The following ATP7B variants were observed in gnomAD, a reference collection of about 807,000 sequenced individuals.
ATP7B encodes ATPase copper transporting beta.
A neutral mutation model predicts 118.9 loss-of-function variants in ATP7B; 113 were observed. The ratio of observed to expected loss-of-function variants is 0.95; its 90% CI spans 0.82 to 1.11. ATP7B has a LOEUF of 1.11. Ranked by LOEUF, ATP7B falls within the 50% of genes most tolerant of loss-of-function variation. ATP7B has a pLI of 0.00. For synonymous variants in ATP7B, 777 were observed against 727.4 expected, an observed-to-expected ratio of 1.07 and a Z score of -1.10; for missense variants, 1,867 against 1,871.4, an observed-to-expected ratio of 1.00 and a Z score of 0.04.
chr13:51,950,531 T>A, intron 9 of ATP7B, 132 bp from the exon 10 acceptor site: 9 of 1,342,690 alleles, frequency 6.7e-6, no homozygotes, highest in African/African-American at 1.4e-5. Flanking sequence ...TCTGTTCATT[T>A]ACAGATATTT....
chr13:51,979,950 A>G lies in ATP7B; in HGVS notation c.52-4782T>C, dbSNP rs368075774. On this transcript the variant is annotated intron_variant, in intron 1 of 20. Coordinates refer to ENST00000242839, the MANE Select transcript of ATP7B (RefSeq NM_000053.4). ...CAGAAGACAAAGCCTTGCAAATAAC[A>G]TATCTCTACAAAACACTAAAGTATC... Among the ~76,000 whole-genome samples the G allele has an allele frequency of 5.9e-5, 9 of 152,224 alleles. No individual in the cohort carries two copies. In the South Asian group the frequency reaches 1.2e-3, roughly 21 times the overall value.
rs370398602 is a variant in ATP7B at position 51,960,223 on chromosome 13, C to G, written c.2046G>C (p.Met682Ile). The change falls in exon 7 of 21, where the codon ATG becomes ATC. Residue 682 changes from methionine to isoleucine, a missense_variant. Transcript: ENST00000242839. ...LIPSNEPHQS[M>I]VLDHNIIPGL... The stretch of plus-strand genomic sequence containing the variant: ...CTGGAATGATGTTGTGGTCCAGGAC[C>G]ATGGACTGGTGGGGCTCGTTGCTGG... 19 of 1,613,788 alleles carry G rather than the reference C, an allele frequency of 1.2e-5. No individual in the cohort carries two copies. Among genetic ancestry groups the G allele is most frequent in the Non-Finnish European group, 1.5e-5 (18 of 1,179,840 alleles).
rs906020046 is a variant in ATP7B at position 51,935,723 on chromosome 13, C to T, written c.4022-28G>A. ...GGGGAAGAAAGAACTCGCACTCACA[C>T]CTAGGTCTGGGGAGAGGAGCCAGGA... On this transcript the variant is annotated intron_variant, in intron 19 of 20. Transcript: ENST00000242839. 3.1e-6 allele frequency: 5 copies of T among 1,590,896 alleles called. No individual in the cohort carries two copies. The Admixed American group carries it at 7.1e-5, about 22-fold the overall frequency.
At position 51,989,275 on chromosome 13, in the gene ATP7B, G is replaced by A. The variant is rs1952801003; in HGVS notation, c.52-14107C>T. Among the ~76,000 whole-genome samples, 3 of 152,116 alleles carry A rather than the reference G, an allele frequency of 2.0e-5. No individual in the cohort carries two copies. In the South Asian group the frequency reaches 6.2e-4, roughly 32 times the overall value. On this transcript the variant is annotated intron_variant, in intron 1 of 20. Transcript: ENST00000242839. Reference sequence around the variant, plus strand: ...ATCCTGTTTCACAATGGTCCAAAAAGACTTTCCACTGACAATTATTTAAAT... The same window carrying A: ...ATCCTGTTTCACAATGGTCCAAAAAAACTTTCCACTGACAATTATTTAAAT...
intron 5 of ATP7B, 24 bp from the exon 6 acceptor site, chr13:51,961,937 G>A: frequency 1.3e-6 from 2 of 1,589,170 alleles, no homozygotes; most frequent in Non-Finnish European, 8.6e-7. Context: ...AGAGAGGGGT[G>A]GGGAAAAAGG....
chr13:51,934,665 G>C lies in ATP7B; in HGVS notation c.*91C>G. On this transcript the variant is annotated 3_prime_UTR_variant, in exon 21 of 21. Coordinates refer to ENST00000242839, the MANE Select transcript of ATP7B (RefSeq NM_000053.4). ...GGGAGCGGAAGTCCCCAAAGCTGGA[G>C]GCTAGCTCAGCCCATCCTGCTGCTG... is the stretch of plus-strand genomic sequence containing the variant. 6.3e-7 allele frequency: 1 copy of C among 1,577,920 alleles called. No individual in the cohort carries two copies. Among genetic ancestry groups the C allele is most frequent in the Non-Finnish European group, 8.6e-7 (1 of 1,160,122 alleles).
At chr13:51,991,120 C>T (rs1472617390) in intron 1 of ATP7B, among the ~76,000 whole-genome samples, 1 of 151,990 alleles carries the variant, frequency 6.6e-6, no homozygotes, top group Non-Finnish European at 1.5e-5. Flanking sequence ...AACCTAACCA[C>T]CACTTACCTA....
rs151138735 is a variant in ATP7B at position 51,933,087 on chromosome 13, G to A, written c.*1669C>T. 6.3e-4 allele frequency: 96 copies of A among 152,340 alleles called. No individual in the cohort carries two copies. The highest frequency in any genetic ancestry group is 2.2e-3 in the African/African-American group (90 of 41,568). 9.4% of individuals were successfully genotyped at this position (152,340 alleles called of 1,614,324 possible). On this transcript the variant is annotated 3_prime_UTR_variant, in exon 21 of 21. Coordinates refer to ENST00000242839, the MANE Select transcript of ATP7B (RefSeq NM_000053.4). ...AACTAACCATCCAAGGTGAAGGTCA[G>A]ATGACCTCCTGAATCAAGTGCATTC...
chr13:51,989,850 G>T (rs1294770585), intron 1 of ATP7B, among the ~76,000 whole-genome samples: 1 of 151,926 alleles, frequency 6.6e-6, no homozygotes, highest in Non-Finnish European at 1.5e-5. Context: ...ATAACACTCT[G>T]TATTTCAAGC....
In ATP7B at chr13:51,946,284, C is replaced by T; in HGVS notation, c.3060G>A (p.Lys1020=). The T allele has an allele frequency of 6.3e-7, 1 of 1,579,910 alleles. No individual in the cohort carries two copies. Among genetic ancestry groups the T allele is most frequent in the Non-Finnish European group, 8.6e-7 (1 of 1,162,834 alleles). Residue 1020 remains lysine (K), a splice_region_variant and synonymous_variant, in exon 13 of 21, where the codon AAG becomes AAA. Coordinates refer to ENST00000242839, the MANE Select transcript of ATP7B (RefSeq NM_000053.4). ...GGGGAAAGCCGTGCTACAGGCTGAC[C>T]TTGTGCGCCATCTCCAGGGGCTTGC... ...KGGKPLEMAH[K]IKTVMFDKTG... is the part of the protein sequence containing the mutation.
chr13:51,975,380 T>C lies in ATP7B; in HGVS notation c.52-212A>G, dbSNP rs749513763. 1.5e-5 allele frequency: 11 copies of C among 751,616 alleles called. No homozygotes were observed. In the African/African-American group the frequency reaches 1.9e-4, roughly 13 times the overall value. The allele number at this position is 751,616 out of a possible 1,614,324, so 46.6% of individuals were successfully genotyped here. Reference sequence around the variant, plus strand: ...ATTCTTCTCTGACAGAAGCTAACTGTCTGTCCTCCTTAGTGAAATGTCGTT... The same window carrying C: ...ATTCTTCTCTGACAGAAGCTAACTGCCTGTCCTCCTTAGTGAAATGTCGTT... On this transcript the variant is annotated intron_variant, in intron 1 of 20. Transcript: ENST00000242839.
intron 12 of ATP7B, among the ~76,000 whole-genome samples, chr13:51,946,972 T>A (rs527313617): frequency 5.9e-5 from 9 of 152,338 alleles, no homozygotes; most frequent in African/African-American, 2.2e-4. Context: ...AATGCTATTC[T>A]AAGGTGATAA....
intron 19 of ATP7B, 24 bp from the exon 20 acceptor site, chr13:51,935,719 C>T: frequency 2.5e-6 from 4 of 1,595,762 alleles, no homozygotes; most frequent in Non-Finnish European, 3.4e-6. Flanking sequence ...AACTCGCACT[C>T]ACACCTAGGT....
intron 9 of ATP7B, among the ~76,000 whole-genome samples, chr13:51,953,304 A>G (rs1958124474): frequency 6.6e-6 from 1 of 152,096 alleles, no homozygotes; most frequent in Non-Finnish European, 1.5e-5. Context: ...CGGGAGGAGG[A>G]GCTCCCTGCA....
intron 1 of ATP7B, among the ~76,000 whole-genome samples, chr13:51,980,846 GAGGCAAACATGTTATACATGA>G (rs541056565): frequency 0.02 from 3,059 of 152,224 alleles, 45 homozygotes; most frequent in Non-Finnish European, 0.031. Flanking sequence ...AACAACTTAT[GAGGCAAACATGTTATACATGA>G]AGGCAACTTT....
At chr13:51,950,218 AC>A in intron 10 of ATP7B, 53 bp downstream of exon 10, 1 of 1,614,178 alleles carries the variant, frequency 6.2e-7, no homozygotes, top group Non-Finnish European at 8.5e-7. Flanking sequence ...CACTCATGTG[AC>A]CTGACAGCTG....
intron 1 of ATP7B, among the ~76,000 whole-genome samples, chr13:52,008,883 C>CT (rs11332842): frequency 3.3e-5 from 5 of 151,276 alleles, no homozygotes; most frequent in Admixed American, 1.3e-4. Context: ...CTTTTCTTTT[C>CT]TTTTTTTTTG....
Position 51,973,797 on chromosome 13 carries a change from A to C in ATP7B, c.1285+138T>G. 14 of 1,304,534 alleles carry C rather than the reference A, an allele frequency of 1.1e-5. No homozygotes were observed. The South Asian group carries it at 1.6e-4, about 15-fold the overall frequency. The allele number at this position is 1,304,534 out of a possible 1,614,324, so 80.8% of individuals were successfully genotyped here. ...TCTATCTTAACAAATTTAACATGCA[A>C]GGAAAGTTTGCAGGATTTTGTTCCA... On this transcript the variant is annotated intron_variant, in intron 2 of 20. Coordinates refer to ENST00000242839, the MANE Select transcript of ATP7B (RefSeq NM_000053.4).
chr13:52,009,479 C>T (rs911638209), intron 1 of ATP7B, among the ~76,000 whole-genome samples: 5 of 152,186 alleles, frequency 3.3e-5, no homozygotes, highest in Non-Finnish European at 5.9e-5. Flanking sequence ...GATTTACAAC[C>T]ATAACCTGTT....
Sources: gnomAD v4.1 joint callset for allele counts (sites outside exome capture counted in the v4.1 genomes callset) on GRCh38, gnomAD v4.1.1 for gene constraint, MANE v1.5 for transcripts, NCBI Gene and HGNC (gene_info 2026-07-23, HGNC 2026-07-21) for gene names.